The following BANK1 variants were observed in gnomAD, a reference collection of about 807,000 sequenced individuals.
BANK1 encodes B cell scaffold protein with ankyrin repeats 1.
A neutral mutation model predicts 94.5 loss-of-function variants in BANK1; 95 were observed. That is an observed-to-expected ratio of 1.00 (90% CI 0.85 to 1.19). The LOEUF is 1.19. BANK1 is among the 50% of genes most tolerant of loss of function. The pLI, the probability that BANK1 is intolerant of heterozygous loss-of-function variation, is 0.00. For missense variants in BANK1, 987 were observed against 932.2 expected (o/e 1.06, Z -0.77); for synonymous variants, 334 against 308.4 (o/e 1.08, Z -0.87).
rs575894033 is a variant in BANK1 at position 101,805,478 on chromosome 4, A to G, written c.70+14528A>G. Among the ~76,000 whole-genome samples the G allele has an allele frequency of 6.8e-4, 104 of 152,226 alleles. 1 individual carries two copies. The highest frequency in any genetic ancestry group is 6.2e-4 in the South Asian group (3 of 4,826). ...CTGACTAGTTAGTACCAAGAGTGAC[A>G]TTAGAGTAGCTAATTAAGTATCTGA... On this transcript the variant is annotated intron_variant, in intron 1 of 16. Coordinates refer to ENST00000322953, the MANE Select transcript of BANK1 (RefSeq NM_017935.5).
intron 6 of BANK1, among the ~76,000 whole-genome samples, chr4:101,901,968 G>A (rs2148893692): frequency 6.6e-6 from 1 of 152,178 alleles, no homozygotes; most frequent in Non-Finnish European, 1.5e-5. Context: ...CACCGTGTTA[G>A]CCAGGATGGT....
chr4:101,816,557 CTTT>C (rs34692783), intron 1 of BANK1, among the ~76,000 whole-genome samples: 2 of 138,612 alleles, frequency 1.4e-5, no homozygotes, highest in Non-Finnish European at 1.6e-5. Context: ...TGCCATGCTT[CTTT>C]TTTTTTTTTT....
At chr4:101,840,993 A>T (rs1056815846) in intron 2 of BANK1, among the ~76,000 whole-genome samples, 4 of 152,078 alleles carry the variant, frequency 2.6e-5, no homozygotes, top group African/African-American at 9.7e-5. Flanking sequence ...CGCCCAGCTA[A>T]TTTTTTTATT....
intron 11 of BANK1, among the ~76,000 whole-genome samples, chr4:102,047,095 T>G (rs903463780): frequency 6.6e-6 from 1 of 152,142 alleles, no homozygotes; most frequent in African/African-American, 2.4e-5. Flanking sequence ...TGGCTGGGAA[T>G]GGATTGCACC....
At chr4:101,852,426 A>G (rs1376447329) in intron 2 of BANK1, among the ~76,000 whole-genome samples, 1 of 146,454 alleles carries the variant, frequency 6.8e-6, no homozygotes, top group Non-Finnish European at 1.5e-5. Flanking sequence ...TTAGTAAATT[A>G]CACATGACCC....
intron 7 of BANK1, among the ~76,000 whole-genome samples, chr4:101,980,443 T>G (rs1725290677): frequency 6.6e-6 from 1 of 151,858 alleles, no homozygotes; most frequent in Admixed American, 6.6e-5. Context: ...GTTATTTTTT[T>G]TTTACTTTCT....
At chr4:101,848,143 T>C (rs1349662214) in intron 2 of BANK1, among the ~76,000 whole-genome samples, 4 of 152,172 alleles carry the variant, frequency 2.6e-5, no homozygotes, top group Non-Finnish European at 4.4e-5. Flanking sequence ...CCAGTGGGGC[T>C]GTGTGTTCGG....
chr4:101,803,621 A>G (rs1725429734), intron 1 of BANK1, among the ~76,000 whole-genome samples: 1 of 152,144 alleles, frequency 6.6e-6, no homozygotes, highest in African/African-American at 2.4e-5. Context: ...TTATATGTGG[A>G]TTTTTTTCAA....
At chr4:101,936,070 G>A (rs985582172) in intron 7 of BANK1, among the ~76,000 whole-genome samples, 1 of 151,114 alleles carries the variant, frequency 6.6e-6, no homozygotes, top group Non-Finnish European at 1.5e-5. Context: ...AAGTTAAAAG[G>A]TTCTATACAG....
At chr4:101,998,603 G>A (rs941195422) in intron 7 of BANK1, among the ~76,000 whole-genome samples, 91 of 152,188 alleles carry the variant, frequency 6.0e-4, no homozygotes, top group Non-Finnish European at 1.2e-3. Context: ...TGCTCCTGTA[G>A]TGGGTGCATG....
At chr4:101,904,823 A>G (rs1722394065) in intron 6 of BANK1, among the ~76,000 whole-genome samples, 1 of 152,184 alleles carries the variant, frequency 6.6e-6, no homozygotes, top group Non-Finnish European at 1.5e-5. Flanking sequence ...GGGCTTTATT[A>G]ACTCCAACTA....
intron 2 of BANK1, among the ~76,000 whole-genome samples, chr4:101,840,008 G>A (rs62321674): frequency 2.0e-5 from 2 of 102,264 alleles, no homozygotes; most frequent in African/African-American, 3.8e-5. Context: ...TCGCTCTGTC[G>A]CCCAGGCTGG....
chr4:102,028,972 T>C (rs565923473), intron 9 of BANK1, among the ~76,000 whole-genome samples: 10 of 152,196 alleles, frequency 6.6e-5, no homozygotes, highest in African/African-American at 2.4e-4. Context: ...TGGAGTGCAA[T>C]GGCATGCCTA....
At chr4:102,010,234 C>A (rs981345791) in intron 7 of BANK1, among the ~76,000 whole-genome samples, 1 of 151,954 alleles carries the variant, frequency 6.6e-6, no homozygotes, top group Non-Finnish European at 1.5e-5. Flanking sequence ...CACTGCACTC[C>A]AGCCTGGGCG....
chr4:101,936,308 T>C (rs913542269), intron 7 of BANK1, among the ~76,000 whole-genome samples: 16 of 150,352 alleles, frequency 1.1e-4, no homozygotes, highest in African/African-American at 1.7e-4. Context: ...CATACATGCA[T>C]ATGTACACAT....
Position 102,016,017 on chromosome 4 carries a change from A to C in BANK1, c.1207-5497A>C, listed in dbSNP as rs571818455. Among the ~76,000 whole-genome samples the C allele has an allele frequency of 1.6e-4, 24 of 152,302 alleles. No homozygotes were observed. The South Asian group carries it at 1.9e-3, about 12-fold the overall frequency. On this transcript the variant is annotated intron_variant, in intron 7 of 16. Coordinates refer to ENST00000322953, the MANE Select transcript of BANK1 (RefSeq NM_017935.5). ...TCCTTCCATGCAACCTAACCAAACC[A>C]ACTAAAACCATCCACGAAGTATTCT...
chr4:101,794,927 T>G (rs1725103378), intron 1 of BANK1, among the ~76,000 whole-genome samples: 1 of 152,178 alleles, frequency 6.6e-6, no homozygotes, highest in Non-Finnish European at 1.5e-5. Context: ...TCTTTGTTTC[T>G]TCTAAGTGTC....
At chr4:102,061,034 A>T (rs994160107) in intron 12 of BANK1, among the ~76,000 whole-genome samples, 13 of 152,184 alleles carry the variant, frequency 8.5e-5, no homozygotes, top group Non-Finnish European at 1.6e-4. Context: ...TCCATCTTTC[A>T]CTCCAAAAAT....
intron 7 of BANK1, among the ~76,000 whole-genome samples, chr4:102,016,032 C>T (rs952991583): frequency 6.6e-6 from 1 of 152,126 alleles, no homozygotes; most frequent in Non-Finnish European, 1.5e-5. Context: ...AAACCATCCA[C>T]GAAGTATTCT....
Sources: gnomAD v4.1 joint callset for allele counts (sites outside exome capture counted in the v4.1 genomes callset) on GRCh38, gnomAD v4.1.1 for gene constraint, MANE v1.5 for transcripts, NCBI Gene and HGNC (gene_info 2026-07-23, HGNC 2026-07-21) for gene names.